SGMS1: variants seen among roughly 807,000 people sequenced by gnomAD.
The protein encoded by SGMS1 is phosphatidylcholine:ceramide cholinephosphotransferase 1.
Under a neutral mutation model 46.2 loss-of-function variants are expected in SGMS1, and 13 were observed. The ratio of observed to expected loss-of-function variants is 0.28; its 90% confidence interval spans 0.18 to 0.45. SGMS1 has a LOEUF of 0.45. SGMS1 is among the 20% of genes least tolerant of loss of function. SGMS1 has a pLI of 1.00. For missense variants in SGMS1, 324 were observed against 519.9 expected (o/e 0.62, Z 3.66); for synonymous variants, 203 against 187.8 (o/e 1.08, Z -0.66).
intron 5 of SGMS1, among the ~76,000 whole-genome samples, chr10:50,453,266 C>T (rs1174025984): frequency 6.6e-6 from 1 of 151,764 alleles, no homozygotes; most frequent in Non-Finnish European, 1.5e-5. Context: ...AAAAAACTAC[C>T]ATGTTGACTT....
chr10:50,355,075 A>G (rs11498129), intron 6 of SGMS1, among the ~76,000 whole-genome samples: 57 of 152,360 alleles, frequency 3.7e-4, no homozygotes, highest in African/African-American at 1.3e-3. Flanking sequence ...CATTTGACCC[A>G]GCCATCCCCA....
intron 6 of SGMS1, among the ~76,000 whole-genome samples, chr10:50,416,327 TG>T (rs1849168822): frequency 6.6e-6 from 1 of 152,214 alleles, no homozygotes; most frequent in South Asian, 2.1e-4. Context: ...TTACTGAGCC[TG>T]TTCTTCAACT....
At chr10:50,590,774 A>T (rs1838533236) in intron 1 of SGMS1, 1 of 152,208 alleles carries the variant, frequency 6.6e-6, no homozygotes, top group African/African-American at 2.4e-5. Flanking sequence ...GCAAATTCAA[A>T]TATACATTAT....
intron 7 of SGMS1, 23 bp downstream of exon 7, chr10:50,343,469 C>T: frequency 6.4e-7 from 1 of 1,561,242 alleles, no homozygotes; most frequent in Non-Finnish European, 8.6e-7. Flanking sequence ...ATCATTGAAT[C>T]TTAGAGCTTT....
chr10:50,491,234 G>A (rs1837565386), intron 3 of SGMS1, among the ~76,000 whole-genome samples: 1 of 152,082 alleles, frequency 6.6e-6, no homozygotes, highest in South Asian at 2.1e-4. Flanking sequence ...CGGGCCTATA[G>A]TCCTAGCTAA....
intron 2 of SGMS1, among the ~76,000 whole-genome samples, chr10:50,574,962 T>TATATATATATATATATATATA (rs1838368241): frequency 9.7e-6 from 1 of 103,116 alleles, no homozygotes; most frequent in South Asian, 3.1e-4. Flanking sequence ...GAAAATGTGG[T>TATATATATATATATATATATA]GTATATATAT....
chr10:50,308,265 A>G (rs1847205265), intron 9 of SGMS1, 117 bp from the exon 10 acceptor site: 1 of 881,748 alleles, frequency 1.1e-6, no homozygotes, highest in African/African-American at 1.7e-5. Flanking sequence ...TTCTGAAAAC[A>G]GATCTAGTGA....
chr10:50,457,991 A>G (rs1837213733), intron 5 of SGMS1, among the ~76,000 whole-genome samples: 1 of 152,214 alleles, frequency 6.6e-6, no homozygotes, highest in Non-Finnish European at 1.5e-5. Flanking sequence ...AATTGCTGCT[A>G]GCAGCATGGT....
chr10:50,416,940 C>A (rs1849179305), intron 6 of SGMS1, among the ~76,000 whole-genome samples: 1 of 149,872 alleles, frequency 6.7e-6, no homozygotes, highest in African/African-American at 2.5e-5. Flanking sequence ...GACAGTCTAT[C>A]TTTTAACCTC....
At position 50,359,838 on chromosome 10, in the gene SGMS1, C is replaced by A. The variant is rs968490641; in HGVS notation, c.-231-15493G>T. On this transcript the variant is annotated intron_variant, in intron 6 of 10. Transcript: ENST00000361781. ...ATAGCTTTGTCACATAAACAGGTTA[C>A]AAACAAAATGTATTACTTTTGTAAA... is the stretch of plus-strand genomic sequence containing the variant. Among the ~76,000 whole-genome samples the A allele has an allele frequency of 2.0e-5, 3 of 152,148 alleles. No homozygotes were observed. The East Asian group carries it at 5.8e-4, about 29-fold the overall frequency.
intron 5 of SGMS1, among the ~76,000 whole-genome samples, chr10:50,435,257 A>G (rs1256933133): frequency 6.6e-6 from 1 of 152,206 alleles, no homozygotes; most frequent in Non-Finnish European, 1.5e-5. Flanking sequence ...AATAATACAT[A>G]CCTTGCAGAG....
At chr10:50,308,239 T>C (rs1298110369) in intron 9 of SGMS1, 91 bp from the exon 10 acceptor site, 5 of 1,133,806 alleles carry the variant, frequency 4.4e-6, no homozygotes, top group Non-Finnish European at 6.2e-6. Flanking sequence ...TGAATCCAAT[T>C]ACCTTGAGTC....
chr10:50,487,260 A>G (rs932781610), intron 3 of SGMS1, among the ~76,000 whole-genome samples: 10 of 152,190 alleles, frequency 6.6e-5, no homozygotes, highest in African/African-American at 2.4e-4. Context: ...GCATGCTCTC[A>G]TTGATAAGTG....
chr10:50,347,717 C>T (rs1311064783), intron 6 of SGMS1, among the ~76,000 whole-genome samples: 1 of 152,042 alleles, frequency 6.6e-6, no homozygotes, highest in Non-Finnish European at 1.5e-5. Flanking sequence ...TCCCCCTTGC[C>T]CAGCACAGGA....
intron 9 of SGMS1, among the ~76,000 whole-genome samples, chr10:50,308,967 T>C (rs921441157): frequency 6.6e-5 from 10 of 152,308 alleles, no homozygotes; most frequent in Admixed American, 6.5e-4. Flanking sequence ...GCCTCTTACA[T>C]GCCAGGGACA....
At chr10:50,536,170 C>T (rs755556847) in intron 2 of SGMS1, among the ~76,000 whole-genome samples, 1 of 151,870 alleles carries the variant, frequency 6.6e-6, no homozygotes, top group Non-Finnish European at 1.5e-5. Context: ...CCCATCTCTA[C>T]CAAAAATCAA....
At chr10:50,513,849 A>C (rs1837777839) in intron 3 of SGMS1, among the ~76,000 whole-genome samples, 1 of 152,184 alleles carries the variant, frequency 6.6e-6, no homozygotes, top group South Asian at 2.1e-4. Flanking sequence ...ATTCTTCAAC[A>C]ACAGGACACT....
intron 6 of SGMS1, among the ~76,000 whole-genome samples, chr10:50,366,502 G>A (rs553465029): frequency 2.0e-5 from 3 of 152,232 alleles, no homozygotes; most frequent in Non-Finnish European, 2.9e-5. Context: ...ACATGCACAC[G>A]TATGTTTATT....
intron 6 of SGMS1, among the ~76,000 whole-genome samples, chr10:50,383,500 T>C (rs999726060): frequency 1.2e-4 from 18 of 152,158 alleles, no homozygotes; most frequent in African/African-American, 3.1e-4. Flanking sequence ...AAGCATCGCT[T>C]GTACAGGAAA....
Sources: allele counts gnomAD v4.1 joint callset (sites outside exome capture counted in the v4.1 genomes callset), GRCh38; gene constraint gnomAD v4.1.1; transcripts MANE v1.5; gene names NCBI Gene and HGNC (gene_info 2026-07-23, HGNC 2026-07-21).